Variants in ANK3 observed in about 807,000 individuals in gnomAD.
ANK3 encodes ankyrin 3.
In ANK3, 57 loss-of-function variants were observed where a neutral mutation model predicts 370.9. The observed-to-expected ratio is 0.15, with a 90% CI of 0.12 to 0.19. The LOEUF is 0.19. Among genes scored for constraint, ANK3 ranks in the 10% least tolerant of loss-of-function variants. The pLI is 1.00. For synonymous variants in ANK3, 1,929 were observed against 1,946.3 expected (o/e 0.99, Z 0.23); for missense variants, 4,439 against 5,302.1 (o/e 0.84, Z 5.06).
At chr10:60,718,634 C>T (rs1396344875) in intron 1 of ANK3, among the ~76,000 whole-genome samples, 1 of 152,088 alleles carries the variant, frequency 6.6e-6, no homozygotes, top group Non-Finnish European at 1.5e-5. Flanking sequence ...AATTTCTAAA[C>T]AGTAGGACAA....
intron 1 of ANK3, among the ~76,000 whole-genome samples, chr10:60,714,117 A>G (rs746760587): frequency 1.3e-5 from 2 of 152,220 alleles, no homozygotes; most frequent in African/African-American, 2.4e-5. Context: ...TAACAGCTGT[A>G]TGCCTATAAA....
intron 23 of ANK3, chr10:60,141,138 A>T (rs988311062): frequency 5.0e-5 from 25 of 500,348 alleles, no homozygotes; most frequent in Admixed American, 3.8e-4. Context: ...AGCAGCAGTG[A>T]TTCCCATAAC....
chr10:60,427,490 A>T (rs923143343), intron 2 of ANK3, among the ~76,000 whole-genome samples: 5 of 151,996 alleles, frequency 3.3e-5, no homozygotes, highest in Non-Finnish European at 7.4e-5. Context: ...ACTTTTGCCT[A>T]AATAGGTCTC....
chr10:60,459,677 T>C (rs1169210753), intron 2 of ANK3, among the ~76,000 whole-genome samples: 1 of 152,142 alleles, frequency 6.6e-6, no homozygotes, highest in Non-Finnish European at 1.5e-5. Context: ...TTCCCAGTCT[T>C]TCTCACCCAG....
intron 2 of ANK3, among the ~76,000 whole-genome samples, chr10:60,599,141 G>T (rs2078027001): frequency 6.6e-6 from 1 of 151,984 alleles, no homozygotes; most frequent in Non-Finnish European, 1.5e-5. Flanking sequence ...ATGTCACCCA[G>T]GCAGGTCTCA....
chr10:60,086,918 A>ATTT, intron 29 of ANK3, 34 bp from the exon 30 acceptor site: 1 of 1,244,426 alleles, frequency 8.0e-7, no homozygotes, highest in African/African-American at 2.1e-5. Context: ...AATGAAAGTG[A>ATTT]CTTTTTTTTT....
chr10:60,073,271 T>C lies in ANK3; in HGVS notation c.7610A>G (p.Asp2537Gly), dbSNP rs2083104007. The C allele has an allele frequency of 6.2e-7, 1 of 1,614,152 alleles. No homozygotes were observed. The highest frequency in any genetic ancestry group is 8.5e-7 in the Non-Finnish European group (1 of 1,180,020). The part of the protein sequence containing the change: ...VGKVSKDEHF[D>G]KVTVLHYSGN... ...AGAATAGTGCAACACTGTCACTTTA[T>C]CAAAATGCTCATCTTTAGACACTTT... The change falls in exon 37 of 44, where the codon GAT (aspartate) becomes GGT (glycine). Residue 2537 changes from aspartate to glycine, a missense_variant. Physicochemically the swap from Asp to Gly is moderately conservative, Grantham distance 94. Around this residue, in one of 13 missense-constraint regions of ANK3, gnomAD observed 1,601 missense variants for 1,731.7 expected, o/e 0.92. Coordinates refer to ENST00000280772, the MANE Select transcript of ANK3 (RefSeq NM_020987.5).
chr10:60,221,653 G>T (rs571449572), intron 8 of ANK3, among the ~76,000 whole-genome samples: 3 of 152,230 alleles, frequency 2.0e-5, no homozygotes, highest in African/African-American at 7.2e-5. Context: ...AGATTCCAAG[G>T]TTCAAAGAAG....
intron 1 of ANK3, among the ~76,000 whole-genome samples, chr10:60,281,399 C>CA (rs934467622): frequency 6.6e-6 from 1 of 152,166 alleles, no homozygotes; most frequent in African/African-American, 2.4e-5. Flanking sequence ...CCAGAATTGC[C>CA]AAATGTCCCT....
At position 60,416,531 on chromosome 10, in the gene ANK3, T is replaced by G. The variant is rs976510481; in HGVS notation, c.97-136892A>C. 5.3e-5 allele frequency among the ~76,000 whole-genome samples: 8 copies of G among 152,320 alleles called. No homozygotes were observed. The South Asian group carries it at 8.3e-4, about 16-fold the overall frequency. On this transcript the variant is annotated intron_variant, in intron 2 of 43. Coordinates refer to the ANK3 transcript ENST00000373827. ...TTCTAAAGTGACAAAATTCAGTATC[T>G]GTGGTGCTTGGTGAGTTGTGGGGAG...
chr10:60,058,265 T>C (rs2079595362), intron 41 of ANK3, among the ~76,000 whole-genome samples: 1 of 152,216 alleles, frequency 6.6e-6, no homozygotes, highest in South Asian at 2.1e-4. Context: ...ACTACATTCC[T>C]AATGGTGGTG....
chr10:60,405,942 T>C (rs1432821842), intron 2 of ANK3, among the ~76,000 whole-genome samples: 1 of 152,202 alleles, frequency 6.6e-6, no homozygotes, highest in South Asian at 2.1e-4. Context: ...CAATACTACA[T>C]GGTAGACCCT....
chr10:60,049,509 C>A (rs1434403588), intron 42 of ANK3, among the ~76,000 whole-genome samples: 1 of 152,068 alleles, frequency 6.6e-6, no homozygotes, highest in Non-Finnish European at 1.5e-5. Context: ...ATTGCTTGAA[C>A]TGGGGAGGTG....
chr10:60,523,836 C>T (rs539283874), intron 2 of ANK3, among the ~76,000 whole-genome samples: 1 of 152,040 alleles, frequency 6.6e-6, no homozygotes, highest in Non-Finnish European at 1.5e-5. Context: ...CATATACACT[C>T]TTTGTCACTA....
rs532562040 is a variant in ANK3 at position 60,224,850 on chromosome 10, C to T, written c.897+9838G>A. On this transcript the variant is annotated intron_variant, in intron 8 of 43. Transcript: ENST00000280772. ...AGCTATGATGATAGTGAAAGATAAA[C>T]TAAAGGGCATCACTTACAGTCTAAT... 2.0e-5 allele frequency among the ~76,000 whole-genome samples: 3 copies of T among 151,890 alleles called. No homozygotes were observed. The South Asian group carries it at 6.2e-4, about 32-fold the overall frequency.
At chr10:60,142,902 G>T (rs1258641776) in intron 23 of ANK3, among the ~76,000 whole-genome samples, 3 of 152,014 alleles carry the variant, frequency 2.0e-5, no homozygotes, top group African/African-American at 7.2e-5. Context: ...GTATTGACTG[G>T]GTGACCTTTG....
At chr10:60,404,455 A>G (rs2132911660) in intron 2 of ANK3, among the ~76,000 whole-genome samples, 1 of 152,314 alleles carries the variant, frequency 6.6e-6, no homozygotes, top group African/African-American at 2.4e-5. Flanking sequence ...TTTATTTTCA[A>G]CAAAGGCACC....
At chr10:60,469,186 C>T (rs1375524537) in intron 2 of ANK3, among the ~76,000 whole-genome samples, 2 of 100,826 alleles carry the variant, frequency 2.0e-5, no homozygotes, top group African/African-American at 3.7e-5. Context: ...TATATATACA[C>T]CACTTTTAGT....
upstream of ANK3, among the ~76,000 whole-genome samples, chr10:60,390,919 G>C (rs139198863): frequency 6.8e-4 from 104 of 152,278 alleles, 1 homozygote; most frequent in Non-Finnish European, 1.2e-3. Context: ...GGTGTGTAAA[G>C]GACACAGCAC....
Sources: gnomAD v4.1 joint callset for allele counts (sites outside exome capture counted in the v4.1 genomes callset) on GRCh38, gnomAD v4.1.1 for gene constraint, gnomAD v4.1.1 regional missense constraint, MANE v1.5 for transcripts, NCBI Gene and HGNC (gene_info 2026-07-23, HGNC 2026-07-21) for gene names.